LARGE1: variants seen among roughly 807,000 people sequenced by gnomAD.
LARGE1 encodes the protein xylosyl- and glucuronyltransferase LARGE1.
Under a neutral mutation model 87.6 loss-of-function variants are expected in LARGE1, and 43 were observed. The observed-to-expected ratio is 0.49, with a 90% CI of 0.38 to 0.63. The LOEUF is 0.63. Ranked by LOEUF, LARGE1 falls within the 30% of genes least tolerant of loss-of-function variation. The pLI is 0.00. For synonymous variants in LARGE1, 434 were observed against 394.6 expected (o/e 1.10, Z -1.18); for missense variants, 802 against 1,000.2 (o/e 0.80, Z 2.67).
chr22:33,389,454 C>T (rs947190273), intron 7 of LARGE1, among the ~76,000 whole-genome samples: 4 of 152,200 alleles, frequency 2.6e-5, no homozygotes, highest in African/African-American at 7.2e-5. Flanking sequence ...ACTTGTCACC[C>T]ATGTGTGACA....
chr22:33,708,694 G>A (rs1286448322), intron 2 of LARGE1, among the ~76,000 whole-genome samples: 3 of 152,126 alleles, frequency 2.0e-5, no homozygotes, highest in Admixed American at 6.5e-5. Flanking sequence ...TCTGCCTCCC[G>A]CGTTCAAGCG....
intron 2 of LARGE1, among the ~76,000 whole-genome samples, chr22:33,757,248 A>G (rs2084550237): frequency 6.6e-6 from 1 of 152,136 alleles, no homozygotes; most frequent in Non-Finnish European, 1.5e-5. Flanking sequence ...ACATTTATGC[A>G]TTGATCCTGC....
rs1386184148 is a variant in LARGE1, at chr22:33,920,234, G to A, written c.-322C>T. ...TCCTCTTCCTCCGGGGCCGCTGCCT[G>A]GAGCTGCTCCCGGCCCGGGGGACTC... On this transcript the variant is annotated 5_prime_UTR_variant, in exon 1 of 15. Coordinates refer to ENST00000397394, the MANE Select transcript of LARGE1 (RefSeq NM_133642.5). 1 of 152,658 alleles carries A rather than the reference G, an allele frequency of 6.6e-6. No individual in the cohort carries two copies. Among genetic ancestry groups the A allele is most frequent in the Non-Finnish European group, 1.5e-5 (1 of 68,618 alleles). The allele number at this position is 152,658 out of a possible 1,614,324, so 9.5% of individuals were successfully genotyped here.
chr22:33,111,575 C>T, the LARGE1 span, among the ~76,000 whole-genome samples: 2 of 152,130 alleles, frequency 1.3e-5, no homozygotes, highest in Non-Finnish European at 2.9e-5. Context: ...TGACAATTCC[C>T]CCCGTCCAGA....
exon 12 of LARGE1, chr22:33,165,831 A>T (rs1258658373): frequency 2.0e-5 from 3 of 152,204 alleles, no homozygotes; most frequent in African/African-American, 7.2e-5. Context: ...TATTTATTCC[A>T]TCATTGCTTC....
At chr22:33,312,770 G>T (rs1935746376) in intron 11 of LARGE1, among the ~76,000 whole-genome samples, 1 of 152,134 alleles carries the variant, frequency 6.6e-6, no homozygotes, top group African/African-American at 2.4e-5. Context: ...TCACGGGAGG[G>T]GACAGATGCA....
rs2082024474 is a variant in LARGE1, at chr22:33,689,149, C to CTCTCTCTG, written c.107-38482_107-38481insCAGAGAGA. On this transcript the variant is annotated intron_variant, in intron 2 of 14. Transcript: ENST00000397394. Reference sequence around the variant, plus strand: ...GCAAGGGCTGACAAATTTACTGTCTCTCTCTCTCTCTCTCTCTCCCCCCTC... The same window carrying CTCTCTCTG: ...GCAAGGGCTGACAAATTTACTGTCTCTCTCTCTGTCTCTCTCTCTCTCTCTCCCCCCTC... 3.4e-5 allele frequency among the ~76,000 whole-genome samples: 5 copies of CTCTCTCTG among 146,856 alleles called. No individual in the cohort carries two copies. In the South Asian group the frequency reaches 1.1e-3, roughly 31 times the overall value.
At chr22:33,589,619 C>T (rs2148911200) in intron 5 of LARGE1, among the ~76,000 whole-genome samples, 1 of 152,192 alleles carries the variant, frequency 6.6e-6, no homozygotes, top group African/African-American at 2.4e-5. Context: ...CTTAGGGACA[C>T]ACCATTGTTC....
At chr22:33,166,783 C>A (rs748119768) in exon 12 of LARGE1, 40 of 471,426 alleles carry the variant, frequency 8.5e-5, no homozygotes, top group Non-Finnish European at 1.5e-4. Flanking sequence ...GTGTTTGGAA[C>A]TGTCGTCTTG....
intron 6 of LARGE1, among the ~76,000 whole-genome samples, chr22:33,503,219 T>C (rs979030945): frequency 4.0e-5 from 6 of 151,724 alleles, no homozygotes; most frequent in Admixed American, 2.0e-4. Flanking sequence ...CCAGTTGCCT[T>C]GGAAAATGGT....
chr22:33,797,990 T>C (rs2086038720), intron 1 of LARGE1, among the ~76,000 whole-genome samples: 1 of 152,128 alleles, frequency 6.6e-6, no homozygotes, highest in South Asian at 2.1e-4. Context: ...ACCTAGACAT[T>C]GGCCGGGTGC....
At chr22:33,672,366 A>G (rs2081442212) in intron 2 of LARGE1, among the ~76,000 whole-genome samples, 1 of 152,228 alleles carries the variant, frequency 6.6e-6, no homozygotes, top group African/African-American at 2.4e-5. Flanking sequence ...ATGAAGAGTG[A>G]GCTCTAGCAG....
intron 6 of LARGE1, among the ~76,000 whole-genome samples, chr22:33,534,764 A>G (rs896689619): frequency 2.0e-5 from 3 of 152,162 alleles, no homozygotes; most frequent in Non-Finnish European, 4.4e-5. Flanking sequence ...GTGAGGTTGC[A>G]ATGCTGGGCT....
intron 7 of LARGE1, among the ~76,000 whole-genome samples, chr22:33,410,310 G>A (rs899363305): frequency 6.6e-6 from 1 of 152,084 alleles, no homozygotes; most frequent in Admixed American, 6.5e-5. Flanking sequence ...CCAGAGCTAA[G>A]TAACTGCTTG....
At chr22:33,424,222 G>C (rs2066794359) in intron 7 of LARGE1, among the ~76,000 whole-genome samples, 1 of 152,212 alleles carries the variant, frequency 6.6e-6, no homozygotes, top group African/African-American at 2.4e-5. Context: ...AAGTGATTCA[G>C]AACAGTGAGC....
At chr22:33,206,727 G>A (rs1405926224) in intron 11 of LARGE1, among the ~76,000 whole-genome samples, 7 of 152,226 alleles carry the variant, frequency 4.6e-5, no homozygotes. Flanking sequence ...TTGGAGAAAA[G>A]TTGGGTTCTG....
At chr22:33,864,770 C>T (rs1005583236) in intron 1 of LARGE1, among the ~76,000 whole-genome samples, 4 of 152,192 alleles carry the variant, frequency 2.6e-5, no homozygotes, top group Non-Finnish European at 5.9e-5. Flanking sequence ...CCCAGAGGCC[C>T]GTGGCCACAT....
At chr22:33,088,925 A>T in the LARGE1 span, among the ~76,000 whole-genome samples, 1 of 152,202 alleles carries the variant, frequency 6.6e-6, no homozygotes, top group South Asian at 2.1e-4. Flanking sequence ...TATTTAAAAG[A>T]GTGCCTGGTA....
At chr22:33,395,008 C>T (rs931501923) in intron 7 of LARGE1, among the ~76,000 whole-genome samples, 9 of 151,956 alleles carry the variant, frequency 5.9e-5, no homozygotes, top group Admixed American at 5.2e-4. Context: ...TGGCAGATCA[C>T]GAGGTCAGGA....
Sources: gnomAD v4.1 joint callset for allele counts (sites outside exome capture counted in the v4.1 genomes callset) on GRCh38, gnomAD v4.1.1 for gene constraint, MANE v1.5 for transcripts, NCBI Gene and HGNC (gene_info 2026-07-23, HGNC 2026-07-21) for gene names.